Variants in TNIP1 observed in about 807,000 individuals in gnomAD.
TNIP1 encodes the protein TNFAIP3 interacting protein 1.
A neutral mutation model predicts 86.6 loss-of-function variants in TNIP1; 22 were observed. That is an observed-to-expected ratio of 0.25 (90% CI 0.18 to 0.36). The LOEUF is 0.36. TNIP1 is among the 10% of genes least tolerant of loss of function. The probability of loss-of-function intolerance (pLI) is 1.00; values close to 1 mark genes in which losing one functional copy is unlikely to be tolerated. For synonymous variants in TNIP1, 294 were observed against 313.0 expected (o/e 0.94, Z 0.64); for missense variants, 709 against 820.6 (o/e 0.86, Z 1.66).
At chr5:151,039,335 A>C in intron 11 of TNIP1, 110 bp from the exon 12 acceptor site, 1 of 1,269,200 alleles carries the variant, frequency 7.9e-7, no homozygotes, top group Non-Finnish European at 1.1e-6. Flanking sequence ...CCATCACTTC[A>C]CAATGCTCAC....
chr5:151,047,005 A>C (rs1759262780), intron 8 of TNIP1, among the ~76,000 whole-genome samples: 1 of 152,222 alleles, frequency 6.6e-6, no homozygotes, highest in South Asian at 2.1e-4. Context: ...TGGTCACTAA[A>C]ATCAGTGAGT....
chr5:151,039,080 C>T lies in TNIP1; in HGVS notation c.1263+17G>A, dbSNP rs373846032. ...CTCAAGGGAGCCCAGCCAAGGGACC[C>T]GGGCCAAGGCACCCACCTTGTTGAG... On this transcript the variant is annotated intron_variant, in intron 12 of 17. Transcript: ENST00000521591. 25 of 1,608,140 alleles carry T rather than the reference C, an allele frequency of 1.6e-5. No individual in the cohort carries two copies. The highest frequency in any genetic ancestry group is 9.3e-5 in the African/African-American group (7 of 74,874).
chr5:151,071,881 G>A (rs1169559712), intron 1 of TNIP1, among the ~76,000 whole-genome samples: 1 of 152,202 alleles, frequency 6.6e-6, no homozygotes, highest in African/African-American at 2.4e-5. Context: ...AATTCACACT[G>A]CAAAAGAGGA....
chr5:151,032,554 T>A, intron 16 of TNIP1, 171 bp from the exon 17 acceptor site: 1 of 674,988 alleles, frequency 1.5e-6, no homozygotes. Context: ...TCAGAGGGGA[T>A]AACTTGCTGA....
chr5:151,059,766 G>C (rs1166155742), intron 5 of TNIP1, among the ~76,000 whole-genome samples: 2 of 126,544 alleles, frequency 1.6e-5, no homozygotes, highest in African/African-American at 5.7e-5. Context: ...ACGCTCCAGA[G>C]CTGTACGAGA....
chr5:151,038,895 G>A (rs1484027401), intron 12 of TNIP1, among the ~76,000 whole-genome samples: 2 of 152,068 alleles, frequency 1.3e-5, no homozygotes. Context: ...ACCTCCAGAG[G>A]GAAGGGTGAC....
intron 6 of TNIP1, among the ~76,000 whole-genome samples, chr5:151,055,971 G>A (rs757226146): frequency 2.0e-5 from 3 of 152,236 alleles, no homozygotes; most frequent in Non-Finnish European, 4.4e-5. Flanking sequence ...GTGGATGCCC[G>A]TCATGAACTC....
chr5:151,063,376 C>T (rs754428632), intron 3 of TNIP1, among the ~76,000 whole-genome samples: 1 of 152,210 alleles, frequency 6.6e-6, no homozygotes, highest in Non-Finnish European at 1.5e-5. Flanking sequence ...TTACTCATGT[C>T]TGCTGGGGCC....
upstream of TNIP1, among the ~76,000 whole-genome samples, chr5:151,085,993 C>G (rs1395339341): frequency 3.3e-5 from 5 of 152,188 alleles, no homozygotes; most frequent in Non-Finnish European, 2.9e-5. Context: ...TAGAAGCCAC[C>G]GTCAGACTTG....
intron 10 of TNIP1, 37 bp from the exon 11 acceptor site, chr5:151,042,708 G>A (rs1196876537): frequency 1.9e-6 from 3 of 1,611,716 alleles, no homozygotes; most frequent in Admixed American, 1.7e-5. Context: ...GTGAGGCAAG[G>A]ATGTAGAGCA....
At chr5:151,057,793 T>G (rs1333726367) in intron 5 of TNIP1, among the ~76,000 whole-genome samples, 1 of 152,246 alleles carries the variant, frequency 6.6e-6, no homozygotes, top group Non-Finnish European at 1.5e-5. Context: ...CAATACAGTA[T>G]ACCAAAATTT....
chr5:151,083,833 G>A (rs1209567141), upstream of TNIP1, among the ~76,000 whole-genome samples: 1 of 152,118 alleles, frequency 6.6e-6, no homozygotes, highest in Non-Finnish European at 1.5e-5. Context: ...TCCAGAAGAG[G>A]GGTGGAGGCT....
rs549156090 is a variant in TNIP1, at chr5:151,060,857, C to T, written c.358-462G>A. Among the ~76,000 whole-genome samples the T allele has an allele frequency of 5.9e-5, 9 of 152,358 alleles. No homozygotes were observed. In the East Asian group the frequency reaches 7.7e-4, roughly 13 times the overall value. ...GACTGCAGATCCAGCATTCCTGCCA[C>T]GGCCCCAGAGCTGTCTCTTAGGCCC... is the stretch of plus-strand genomic sequence containing the variant. On this transcript the variant is annotated intron_variant, in intron 4 of 17. Transcript: ENST00000521591.
intron 6 of TNIP1, among the ~76,000 whole-genome samples, chr5:151,054,414 C>T (rs578019500): frequency 3.1e-4 from 47 of 152,292 alleles, no homozygotes; most frequent in African/African-American, 9.6e-4. Flanking sequence ...GGCATGGTGG[C>T]TCACACCAGT....
Position 151,052,100 on chromosome 5 carries a change from T to C in TNIP1, c.722+65A>G, listed in dbSNP as rs531541995. 207 of 1,481,550 alleles carry C rather than the reference T, an allele frequency of 1.4e-4. No homozygotes were observed. The African/African-American group carries it at 2.5e-3, about 18-fold the overall frequency. 91.8% of individuals were successfully genotyped at this position (1,481,550 alleles called of 1,614,324 possible). A position where few individuals can be genotyped will look rare whatever the true frequency, so the allele number is the denominator to read the frequency against. On this transcript the variant is annotated intron_variant, in intron 7 of 17. Coordinates refer to ENST00000521591, the MANE Select transcript of TNIP1 (RefSeq NM_006058.5). Reference sequence around the variant, plus strand: ...CGGTCCTCAACCCAGAAATCAGTGCTGCACACCAGCCCCTCCTCCTGCAGC... The same window carrying C: ...CGGTCCTCAACCCAGAAATCAGTGCCGCACACCAGCCCCTCCTCCTGCAGC...
intron 11 of TNIP1, among the ~76,000 whole-genome samples, chr5:151,039,755 C>T (rs183509020): frequency 8.5e-4 from 129 of 152,342 alleles, no homozygotes; most frequent in African/African-American, 3.0e-3. Flanking sequence ...CTCATACAGC[C>T]TTGGAGCCTA....
chr5:151,058,275 A>G (rs1760943209), intron 5 of TNIP1, among the ~76,000 whole-genome samples: 1 of 152,224 alleles, frequency 6.6e-6, no homozygotes, highest in South Asian at 2.1e-4. Flanking sequence ...CTGAGGACCC[A>G]AGACTCAAAA....
At chr5:151,036,394 G>A (rs550288579) in intron 13 of TNIP1, among the ~76,000 whole-genome samples, 35 of 152,220 alleles carry the variant, frequency 2.3e-4, no homozygotes, top group East Asian at 9.6e-4. Context: ...AAGAGTATCC[G>A]GCTAGAGTTT....
chr5:151,038,460 G>C (rs1213954803), intron 12 of TNIP1, among the ~76,000 whole-genome samples: 1 of 152,186 alleles, frequency 6.6e-6, no homozygotes, highest in Non-Finnish European at 1.5e-5. Context: ...AACTGGAGAG[G>C]CTGGAGAGGC....
Sources: gnomAD v4.1 joint callset for allele counts (sites outside exome capture counted in the v4.1 genomes callset) on GRCh38, gnomAD v4.1.1 for gene constraint, MANE v1.5 for transcripts, NCBI Gene and HGNC (gene_info 2026-07-23, HGNC 2026-07-21) for gene names.